NR4A3: variants seen among roughly 807,000 people sequenced by gnomAD.
NR4A3 encodes the protein nuclear receptor subfamily 4 group A member 3, also known as chondrosarcoma, extraskeletal myxoid, fused to EWS.
Under a neutral mutation model 55.6 loss-of-function variants are expected in NR4A3, and 13 were observed. That is an observed-to-expected ratio of 0.23 (90% confidence interval 0.15 to 0.37). NR4A3 has a LOEUF of 0.37. NR4A3 is among the 10% of genes least tolerant of loss of function. The pLI, the probability that NR4A3 is intolerant of heterozygous loss-of-function variation, is 1.00. For missense variants in NR4A3, 646 were observed against 822.8 expected (o/e 0.79, Z 2.63); for synonymous variants, 342 against 357.9 (o/e 0.96, Z 0.50).
At chr9:99,848,022 A>G (rs1230468949) in intron 7 of NR4A3, among the ~76,000 whole-genome samples, 1 of 152,168 alleles carries the variant, frequency 6.6e-6, no homozygotes, top group Non-Finnish European at 1.5e-5. Flanking sequence ...CTCCCACTTC[A>G]GCCTCCTGAG....
intron 2 of NR4A3, among the ~76,000 whole-genome samples, chr9:99,827,487 C>T (rs942378089): frequency 2.6e-5 from 4 of 152,166 alleles, no homozygotes; most frequent in African/African-American, 9.7e-5. Flanking sequence ...GCAACCACAA[C>T]GTGTGTGGGC....
intron 5 of NR4A3, among the ~76,000 whole-genome samples, chr9:99,839,367 G>A (rs756505425): frequency 5.9e-5 from 9 of 152,206 alleles, no homozygotes; most frequent in African/African-American, 1.9e-4. Flanking sequence ...TGTCCTTAGC[G>A]TAGTCTACAT....
chr9:99,846,053 C>G (rs1004583047), intron 6 of NR4A3, among the ~76,000 whole-genome samples: 1 of 152,204 alleles, frequency 6.6e-6, no homozygotes, highest in African/African-American at 2.4e-5. Context: ...CAGTGCCTGG[C>G]TCCAGGAATA....
chr9:99,827,258 ATGTGTGTGTGTGTG>A (rs35554489), intron 2 of NR4A3, among the ~76,000 whole-genome samples: 1 of 145,010 alleles, frequency 6.9e-6, no homozygotes, highest in Non-Finnish European at 1.5e-5. Flanking sequence ...GGATATATAT[ATGTGTGTGTGTGTG>A]TGTGTGTGTG....
chr9:99,859,226 G>A lies in NR4A3; in HGVS notation c.1634-4394G>A, dbSNP rs149323340. Among the ~76,000 whole-genome samples the A allele has an allele frequency of 4.7e-3, 711 of 152,190 alleles. 9 individuals carry two copies. Among genetic ancestry groups the A allele is most frequent in the African/African-American group, 0.016 (676 of 41,518 alleles). The stretch of plus-strand genomic sequence containing the variant: ...GCTGTGTATAATTCTCTAGGAAGGG[G>A]GATAGTCCAAATGCCTGATTTCCCC... On this transcript the variant is annotated intron_variant, in intron 7 of 7. Transcript: ENST00000395097.
At chr9:99,836,840 G>A (rs151014414) in intron 5 of NR4A3, among the ~76,000 whole-genome samples, 117 of 152,264 alleles carry the variant, frequency 7.7e-4, no homozygotes, top group Middle Eastern at 6.8e-3. Context: ...GTATATGAGT[G>A]CTCCCCTTTC....
chr9:99,851,121 C>G (rs1827842563), intron 7 of NR4A3, among the ~76,000 whole-genome samples: 1 of 152,188 alleles, frequency 6.6e-6, no homozygotes, highest in Non-Finnish European at 1.5e-5. Flanking sequence ...TGCCCTCATT[C>G]CTGCTGTGGT....
intron 1 of NR4A3, among the ~76,000 whole-genome samples, chr9:99,823,785 C>T (rs938653504): frequency 6.6e-6 from 1 of 151,256 alleles, no homozygotes; most frequent in African/African-American, 2.4e-5. Context: ...CGTGCGCTCA[C>T]AGAAATTCTT....
intron 6 of NR4A3, among the ~76,000 whole-genome samples, chr9:99,846,928 G>A (rs1827765054): frequency 2.0e-5 from 3 of 152,234 alleles, no homozygotes; most frequent in South Asian, 2.1e-4. Flanking sequence ...GCTTGCAGGC[G>A]TGAGGCATCG....
rs746039187 is a variant in NR4A3 at position 99,864,823 on chromosome 9, A to G, written c.*956A>G. 1 of 221,784 alleles carries G rather than the reference A, an allele frequency of 4.5e-6. No individual in the cohort carries two copies. Among genetic ancestry groups the G allele is most frequent in the South Asian group, 1.8e-4 (1 of 5,418 alleles). 13.7% of individuals were successfully genotyped at this position (221,784 alleles called of 1,614,324 possible). A position where few individuals can be genotyped will look rare whatever the true frequency, so the allele number is the denominator to read the frequency against. ...ACTGGTATATTCATTCAGAAGCGCC[A>G]TAAGTCAGTTGAGTATTTGATCCCT... On this transcript the variant is annotated 3_prime_UTR_variant, in exon 8 of 8. Coordinates refer to ENST00000395097, the MANE Select transcript of NR4A3 (RefSeq NM_006981.4).
At chr9:99,844,537 C>A in intron 5 of NR4A3, 112 bp from the exon 6 acceptor site, 2 of 771,626 alleles carry the variant, frequency 2.6e-6, no homozygotes, top group South Asian at 1.7e-5. Context: ...TAAACTGTAA[C>A]ACCTAAAAGT....
chr9:99,826,527 C>T (rs1472363340), intron 2 of NR4A3, among the ~76,000 whole-genome samples: 1 of 152,200 alleles, frequency 6.6e-6, no homozygotes, highest in Non-Finnish European at 1.5e-5. Flanking sequence ...ATGGAGAAAT[C>T]CTAGAGGTGC....
chr9:99,827,077 G>C (rs986402964), intron 2 of NR4A3, among the ~76,000 whole-genome samples: 2 of 152,158 alleles, frequency 1.3e-5, no homozygotes, highest in East Asian at 1.9e-4. Context: ...CAGCCACTTT[G>C]GGGGCAACAT....
intron 2 of NR4A3, chr9:99,826,840 T>A: frequency 6.4e-7 from 1 of 1,572,474 alleles, no homozygotes; most frequent in Non-Finnish European, 8.8e-7. Context: ...AAGTATTCAC[T>A]TCTCTATTAG....
At chr9:99,830,218 C>A (rs1827411955) in intron 3 of NR4A3, among the ~76,000 whole-genome samples, 1 of 152,158 alleles carries the variant, frequency 6.6e-6, no homozygotes, top group Non-Finnish European at 1.5e-5. Context: ...TGGGAGTACA[C>A]CAGAATTAGT....
At chr9:99,826,290 A>G (rs1827294207) in intron 2 of NR4A3, among the ~76,000 whole-genome samples, 1 of 152,230 alleles carries the variant, frequency 6.6e-6, no homozygotes, top group South Asian at 2.1e-4. Context: ...TGAAAACCAA[A>G]GAGTAAATTT....
At chr9:99,860,146 T>C (rs1172571908) in intron 7 of NR4A3, among the ~76,000 whole-genome samples, 1 of 152,120 alleles carries the variant, frequency 6.6e-6, no homozygotes, top group Non-Finnish European at 1.5e-5. Context: ...TATGAAGAAA[T>C]AATTTTTGCA....
intron 3 of NR4A3, among the ~76,000 whole-genome samples, chr9:99,832,080 T>C (rs1827455284): frequency 6.6e-6 from 1 of 152,202 alleles, no homozygotes; most frequent in African/African-American, 2.4e-5. Flanking sequence ...AGATTTTGCT[T>C]TGAAAAATCA....
intron 5 of NR4A3, among the ~76,000 whole-genome samples, chr9:99,841,054 A>G (rs1229128640): frequency 6.6e-6 from 1 of 151,906 alleles, no homozygotes; most frequent in African/African-American, 2.4e-5. Flanking sequence ...AACATGGTAA[A>G]ACCCTGTCTC....
Sources: gnomAD v4.1 joint callset for allele counts (sites outside exome capture counted in the v4.1 genomes callset) on GRCh38, gnomAD v4.1.1 for gene constraint, MANE v1.5 for transcripts, NCBI Gene and HGNC (gene_info 2026-07-23, HGNC 2026-07-21) for gene names.